CHM: variants seen among roughly 807,000 people sequenced by gnomAD.
CHM encodes CHM Rab escort protein.
Under a neutral mutation model 49.0 loss-of-function variants are expected in CHM, and 10 were observed. The ratio of observed to expected loss-of-function variants is 0.20; its 90% CI spans 0.13 to 0.35. The LOEUF (loss-of-function observed/expected upper bound fraction) is 0.35, where lower values mean the gene tolerates loss of function less well. Ranked by LOEUF, CHM falls within the 10% of genes least tolerant of loss-of-function variation. The probability of loss-of-function intolerance (pLI) is 1.00; values close to 1 mark genes in which losing one functional copy is unlikely to be tolerated. For synonymous variants in CHM, 184 were observed against 167.5 expected, an observed-to-expected ratio of 1.10 and a Z score of -0.76; for missense variants, 455 against 478.4, an observed-to-expected ratio of 0.95 and a Z score of 0.46.
chrX:85,946,269 T>A (rs1367771986), intron 8 of CHM, among the ~76,000 whole-genome samples: 1 of 112,436 alleles, frequency 8.9e-6, no homozygotes, highest in East Asian at 2.8e-4. Context: ...GAAATGTGCA[T>A]AACTAAAAAG....
intron 5 of CHM, among the ~76,000 whole-genome samples, chrX:85,959,458 A>G (rs1376889883): frequency 5.4e-5 from 6 of 111,371 alleles, no homozygotes; most frequent in Non-Finnish European, 9.4e-5. Flanking sequence ...ACACAAAGCC[A>G]GGTAGTTATA....
intron 2 of CHM, among the ~76,000 whole-genome samples, chrX:85,985,698 T>G (rs1931866489): frequency 8.9e-6 from 1 of 112,700 alleles, no homozygotes; most frequent in East Asian, 2.8e-4. Context: ...CGGATGGATC[T>G]CCCAGAGGGA....
intron 5 of CHM, among the ~76,000 whole-genome samples, chrX:85,963,079 CATGGT>C (rs1305347664): frequency 2.7e-5 from 3 of 111,134 alleles, no homozygotes; most frequent in African/African-American, 9.8e-5. Context: ...ATACACACGC[CATGGT>C]GTTTTGCTGC....
chrX:85,999,956 G>A (rs983317120), intron 2 of CHM, among the ~76,000 whole-genome samples: 12 of 111,503 alleles, frequency 1.1e-4, no homozygotes, highest in Non-Finnish European at 1.7e-4. Context: ...TATTTATAGC[G>A]GGGCACTTCA....
At chrX:85,983,202 G>T (rs995530008) in intron 2 of CHM, among the ~76,000 whole-genome samples, 1 of 110,708 alleles carries the variant, frequency 9.0e-6, no homozygotes, top group Admixed American at 9.7e-5. Context: ...AGATCATATC[G>T]TACTTACATC....
chrX:85,992,523 T>C lies in CHM; in HGVS notation c.117-10714A>G, dbSNP rs756094655. On this transcript the variant is annotated intron_variant, in intron 2 of 14. Transcript: ENST00000357749. ...ATCTCCCTGGTGACAAATAATAGAA[T>C]AGGCTAGAAAATATACTGGACTTAC... Among the ~76,000 whole-genome samples, 3 of 111,136 alleles carry C rather than the reference T, an allele frequency of 2.7e-5. No homozygotes were observed. The East Asian group carries it at 8.5e-4, about 32-fold the overall frequency.
chrX:85,913,332 A>AAG (rs1927198043), intron 8 of CHM, among the ~76,000 whole-genome samples: 2 of 23,417 alleles, frequency 8.5e-5, no homozygotes, highest in African/African-American at 2.8e-4. Context: ...AAAAAAAAAA[A>AAG]AAAGAAAGAA....
chrX:85,959,709 T>C (rs1187085001), intron 5 of CHM, among the ~76,000 whole-genome samples: 1 of 111,758 alleles, frequency 8.9e-6, no homozygotes, highest in East Asian at 2.8e-4. Context: ...ATCAATAATG[T>C]AAACAGTATT....
At position 85,978,774 on chromosome X, in the gene CHM, A is replaced by G. The variant is rs777754238; in HGVS notation, c.307T>C (p.Tyr103His). 8.3e-7 allele frequency: 1 copy of G among 1,204,127 alleles called. No homozygotes were observed. The highest frequency in any genetic ancestry group is 2.2e-5 in the Admixed American group (1 of 45,867). The change falls in exon 4 of 15, where the codon TAT becomes CAT. Residue 103 changes from tyrosine to histidine, a missense_variant. Tyr to His is a moderately conservative substitution (Grantham distance 83). Transcript: ENST00000357749. ...AGTAAATACTTTTCATACCTGGCAT[A>G]ACAAAATACTTCCACATGTTGAATA... is the stretch of plus-strand genomic sequence containing the variant. ...KTIQHVEVFCYASQDLHEDVE... is the reference protein window; with the variant it reads ...KTIQHVEVFCHASQDLHEDVE...
At chrX:85,903,139 G>C (rs1416800490) in intron 9 of CHM, among the ~76,000 whole-genome samples, 1 of 111,419 alleles carries the variant, frequency 9.0e-6, no homozygotes, top group African/African-American at 3.3e-5. Context: ...AAGATGACTC[G>C]ATACATGGAT....
chrX:86,021,678 C>G (rs1313724360), intron 2 of CHM, among the ~76,000 whole-genome samples: 1 of 111,047 alleles, frequency 9.0e-6, no homozygotes, highest in African/African-American at 3.3e-5. Flanking sequence ...TTAATTTATC[C>G]AAAAAAACAG....
At chrX:86,011,162 C>G (rs1933056618) in intron 2 of CHM, among the ~76,000 whole-genome samples, 1 of 111,294 alleles carries the variant, frequency 9.0e-6, no homozygotes, top group Non-Finnish European at 1.9e-5. Context: ...ACATGATCCC[C>G]CATCTTTAAG....
At chrX:85,969,250 G>A (rs1930750842) in intron 4 of CHM, 3 of 724,894 alleles carry the variant, frequency 4.1e-6, no homozygotes, top group East Asian at 1.5e-4. Context: ...AATGTATAAA[G>A]CTATTGTTAA....
intron 1 of CHM, among the ~76,000 whole-genome samples, chrX:86,036,364 G>A (rs1245358551): frequency 1.8e-5 from 2 of 111,839 alleles, no homozygotes; most frequent in Non-Finnish European, 3.8e-5. Context: ...CTGACAATTT[G>A]TTGAGTTTAT....
At chrX:85,981,530 G>A (rs1001377309) in intron 3 of CHM, among the ~76,000 whole-genome samples, 5 of 110,875 alleles carry the variant, frequency 4.5e-5, no homozygotes, top group African/African-American at 1.6e-4. Flanking sequence ...CATCGCACCC[G>A]AGCTCTATTT....
chrX:85,876,265 T>C lies in CHM; in HGVS notation c.1609+2700A>G, dbSNP rs746472764. ...ACTGAGGATTATGAAGCACAGAGAA[T>C]GTAGAATTCAAAGACAAACAAAAAG... On this transcript the variant is annotated intron_variant, in intron 13 of 14. Transcript: ENST00000357749. 1.2e-4 allele frequency among the ~76,000 whole-genome samples: 13 copies of C among 111,508 alleles called. 1 individual carries two copies. The highest frequency in any genetic ancestry group is 2.8e-4 in the East Asian group (1 of 3,556).
At chrX:85,952,711 G>A (rs1929809889) in intron 8 of CHM, among the ~76,000 whole-genome samples, 1 of 112,928 alleles carries the variant, frequency 8.9e-6, no homozygotes, top group African/African-American at 3.2e-5. Flanking sequence ...ACTTTGTGTT[G>A]TGTGTTAAAC....
chrX:86,039,161 A>G, intron 1 of CHM, among the ~76,000 whole-genome samples: 1 of 112,209 alleles, frequency 8.9e-6, no homozygotes, highest in Non-Finnish European at 1.9e-5. Flanking sequence ...AATATTTTTC[A>G]TGTGTTTGAC....
At chrX:85,866,622 A>C (rs1003414750) in intron 14 of CHM, among the ~76,000 whole-genome samples, 1 of 112,916 alleles carries the variant, frequency 8.9e-6, no homozygotes, top group Non-Finnish European at 1.9e-5. Context: ...ATGCACCTGG[A>C]AAAGTCACAG....
Sources: allele counts gnomAD v4.1 joint callset (sites outside exome capture counted in the v4.1 genomes callset), GRCh38; gene constraint gnomAD v4.1.1; transcripts MANE v1.5; gene names NCBI Gene and HGNC (gene_info 2026-07-23, HGNC 2026-07-21).